The following SSX3 variants were observed in gnomAD, a reference collection of about 807,000 sequenced individuals.
SSX3 encodes the protein SSX family member 3.
In SSX3, 6 loss-of-function variants were observed where a neutral mutation model predicts 14.8. The ratio of observed to expected loss-of-function variants is 0.41; its 90% CI spans 0.22 to 0.80. The LOEUF is 0.80. SSX3 is among the 30% of genes least tolerant of loss of function. SSX3 has a pLI of 0.34. For synonymous variants in SSX3, 55 were observed against 52.9 expected (o/e 1.04, Z -0.18); for missense variants, 163 against 152.2 (o/e 1.07, Z -0.37).
chrX:48,352,830 C>T (rs1301562502), intron 4 of SSX3, among the ~76,000 whole-genome samples: 5 of 111,834 alleles, frequency 4.5e-5, no homozygotes, highest in African/African-American at 1.6e-4. Flanking sequence ...AGCTCTCTAC[C>T]CAAGAACCTG....
chrX:48,356,061 C>G (rs1556951006), intron 1 of SSX3, among the ~76,000 whole-genome samples: 1 of 111,638 alleles, frequency 9.0e-6, no homozygotes, highest in African/African-American at 3.3e-5. Flanking sequence ...CCTGTACCAT[C>G]CCAGCACTTT....
rs143531506 is a variant in SSX3 at position 48,347,555 on chromosome X, C to T, written c.516G>A (p.Lys172=). Residue 172 remains lysine (K), a synonymous_variant, in exon 7 of 8, where the codon AAG becomes AAA. Transcript: ENST00000298396. ...HAWTHRLRER[K]QLVIYEEISD... is the part of the protein sequence containing the mutation. ...TGATCTCTTCATAAATCACCAGCTG[C>T]TTTCTCTCACGCAGTCTGTGGGTCC... 181 of 1,208,562 alleles carry T rather than the reference C, an allele frequency of 1.5e-4. 1 individual carries two copies. The African/African-American group carries it at 2.8e-3, about 19-fold the overall frequency.
intron 4 of SSX3, 74 bp from the exon 5 acceptor site, chrX:48,352,223 A>T: frequency 9.0e-7 from 1 of 1,105,882 alleles, no homozygotes. Flanking sequence ...CTGTCGCATC[A>T]GGGTATTCTG....
At chrX:48,352,248 G>A in intron 4 of SSX3, 99 bp from the exon 5 acceptor site, 2 of 968,249 alleles carry the variant, frequency 2.1e-6, no homozygotes, top group Admixed American at 4.4e-5. Flanking sequence ...AGAGGCTTAT[G>A]AGTCCACGCA....
intron 2 of SSX3, 148 bp from the exon 3 acceptor site, chrX:48,354,894 C>T (rs1419530005): frequency 3.4e-6 from 4 of 1,193,241 alleles, no homozygotes; most frequent in African/African-American, 3.5e-5. Flanking sequence ...ACATGAGGGA[C>T]CTTCCTAGCT....
chrX:48,354,990 G>T, intron 2 of SSX3, 191 bp downstream of exon 2: 8 of 754,317 alleles, frequency 1.1e-5, no homozygotes, highest in Non-Finnish European at 1.3e-5. Flanking sequence ...ACCAAATGTA[G>T]TGCAAGGTCA....
At position 48,349,342 on chromosome X, in the gene SSX3, G is replaced by A. The variant is rs183958098; in HGVS notation, c.466+645C>T. Reference sequence around the variant, plus strand: ...CCAGCCAGCAGCCATCAACACCGAGGCAAGACCCTCCACCAGCAAAAAGAG... The same window carrying A: ...CCAGCCAGCAGCCATCAACACCGAGACAAGACCCTCCACCAGCAAAAAGAG... On this transcript the variant is annotated intron_variant, in intron 6 of 7. Transcript: ENST00000298396. The A allele has an allele frequency of 6.8e-4, 322 of 474,332 alleles. 3 individuals are homozygous for A. In the Admixed American group the frequency reaches 0.015, roughly 22 times the overall value. The allele number at this position is 474,332 out of a possible 1,213,427, so 39.1% of individuals were successfully genotyped here.
chrX:48,354,554 A>C, intron 3 of SSX3, 78 bp downstream of exon 3: 1 of 1,061,151 alleles, frequency 9.4e-7, no homozygotes, highest in Non-Finnish European at 1.3e-6. Flanking sequence ...TACTTTCTGC[A>C]GCCTAAGAAA....
chrX:48,353,370 T>C (rs2146667555), intron 4 of SSX3, among the ~76,000 whole-genome samples: 1 of 111,360 alleles, frequency 9.0e-6, no homozygotes, highest in South Asian at 3.8e-4. Flanking sequence ...ACACTTGTAA[T>C]CCCAGCAGTT....
chrX:48,349,757 A>G (rs1264788660), intron 6 of SSX3: 2 of 1,132,504 alleles, frequency 1.8e-6, no homozygotes, highest in African/African-American at 1.9e-5. Context: ...AGGAACCTGG[A>G]GCTGAGGAAA....
intron 5 of SSX3, 135 bp downstream of exon 5, chrX:48,351,965 C>T (rs1458013938): frequency 2.4e-6 from 2 of 825,464 alleles, no homozygotes; most frequent in Non-Finnish European, 3.6e-6. Flanking sequence ...GCCGTCGGTG[C>T]TACATCAGGT....
In SSX3 at chrX:48,349,591, T is replaced by C. The variant is rs377457277; in HGVS notation, c.466+396A>G. On this transcript the variant is annotated intron_variant, in intron 6 of 7. Coordinates refer to ENST00000298396, the MANE Select transcript of SSX3 (RefSeq NM_021014.4). ...CTGCAGTATCTCTGAAGGACACCTGTATTGGGTAACAGGCATTGAGCTGAG... is the reference window on the plus strand; with the variant it reads ...CTGCAGTATCTCTGAAGGACACCTGCATTGGGTAACAGGCATTGAGCTGAG... 3 of 1,207,949 alleles carry C rather than the reference T, an allele frequency of 2.5e-6. No homozygotes were observed. In the African/African-American group the frequency reaches 5.2e-5, roughly 21 times the overall value.
intron 2 of SSX3, 166 bp downstream of exon 2, chrX:48,355,015 G>A (rs1320169341): frequency 2.7e-6 from 2 of 752,458 alleles, no homozygotes; most frequent in Non-Finnish European, 3.1e-6. Flanking sequence ...CTTGTCTCCA[G>A]GGATGCTAGG....
In SSX3 at chrX:48,352,080, T is replaced by C; in HGVS notation, c.330+20A>G. 1.7e-6 allele frequency: 2 copies of C among 1,206,356 alleles called. No individual in the cohort carries two copies. Among genetic ancestry groups the C allele is most frequent in the East Asian group, 3.0e-5 (1 of 33,780 alleles). On this transcript the variant is annotated intron_variant, in intron 5 of 7. Transcript: ENST00000298396. ...GAGGGACAAAGGTTCTCTGGTCCTT[T>C]AGATCTGAAAGATACTCACCTTCGG...
intron 6 of SSX3, among the ~76,000 whole-genome samples, chrX:48,348,835 C>T (rs1556949025): frequency 8.9e-6 from 1 of 112,316 alleles, no homozygotes. Flanking sequence ...AAGCCAAAGT[C>T]TAATTCAGAG....
chrX:48,351,561 A>G (rs1311203049), intron 5 of SSX3, among the ~76,000 whole-genome samples: 7 of 112,471 alleles, frequency 6.2e-5, no homozygotes, highest in African/African-American at 2.3e-4. Context: ...AACAAATGCA[A>G]ACGTGAATGA....
chrX:48,347,777 T>C (rs1398377970), intron 6 of SSX3, among the ~76,000 whole-genome samples, 173 bp from the exon 7 acceptor site: 2 of 112,227 alleles, frequency 1.8e-5, no homozygotes, highest in Non-Finnish European at 3.8e-5. Flanking sequence ...CACACCAATA[T>C]AGGCCAAATG....
intron 1 of SSX3, among the ~76,000 whole-genome samples, chrX:48,355,847 C>T (rs1362782431): frequency 6.3e-5 from 7 of 111,753 alleles, no homozygotes; most frequent in Non-Finnish European, 1.3e-4. Context: ...ACTACAAGAG[C>T]CCGCCATCAC....
intron 5 of SSX3, 108 bp downstream of exon 5, chrX:48,351,992 G>T: frequency 1.0e-6 from 1 of 992,758 alleles, no homozygotes; most frequent in Non-Finnish European, 1.4e-6. Flanking sequence ...ATAGACATGG[G>T]GAGAAGAAGG....
Sources: gnomAD v4.1 joint callset for allele counts (sites outside exome capture counted in the v4.1 genomes callset) on GRCh38, gnomAD v4.1.1 for gene constraint, MANE v1.5 for transcripts, NCBI Gene and HGNC (gene_info 2026-07-23, HGNC 2026-07-21) for gene names.